The following C14orf180 variants were observed in gnomAD, a reference collection of about 807,000 sequenced individuals.
The protein encoded by C14orf180 is chromosome 14 open reading frame 180.
A neutral mutation model predicts 13.9 loss-of-function variants in C14orf180; 13 were observed. That is an observed-to-expected ratio of 0.94 (90% CI 0.61 to 1.49). The LOEUF is 1.49. Ranked by LOEUF, C14orf180 falls within the 40% of genes most tolerant of loss-of-function variation. C14orf180 has a pLI of 0.00. For synonymous variants in C14orf180, 113 were observed against 106.3 expected (o/e 1.06, Z -0.39); for missense variants, 238 against 232.0 (o/e 1.03, Z -0.17).
chr14:104,587,603 C>A (rs532779990), intron 2 of C14orf180, 146 bp from the exon 3 acceptor site: 1 of 813,086 alleles, frequency 1.2e-6, no homozygotes, highest in Non-Finnish European at 1.9e-6. Flanking sequence ...CCTCACCCTA[C>A]AGGAAGTGAC....
rs777081129 is a variant in C14orf180, at chr14:104,586,480, G to A, written c.50G>A (p.Arg17Gln). The change falls in exon 2 of 5, where the codon CGA (arginine) becomes CAA (glutamine). Residue 17 changes from arginine (R) to glutamine (Q), a missense_variant. By Grantham distance (43) the Arg-to-Gln change is conservative. Coordinates refer to ENST00000557649, the MANE Select transcript of C14orf180 (RefSeq NM_001008404.3). ...AGCCCTGACTCCCGGCCAGAGACAC[G>A]ACGTCAGACCAGAAAGAATGAGGAG... is the stretch of plus-strand genomic sequence containing the variant. ...AVSPDSRPET[R>Q]RQTRKNEEAA... 2.3e-5 allele frequency: 36 copies of A among 1,550,782 alleles called. No individual in the cohort carries two copies. The highest frequency in any genetic ancestry group is 2.2e-4 in the East Asian group (9 of 41,318).
rs1460021323 is a variant in C14orf180, at chr14:104,589,550, G to C, written c.*767G>C. ...CCAGCTGGGGCCTGTGGGTCCCGGA[G>C]ACCGTCTGTGGTTGTGGCTTTGTCG... On this transcript the variant is annotated 3_prime_UTR_variant, in exon 5 of 5. Coordinates refer to ENST00000557649, the MANE Select transcript of C14orf180 (RefSeq NM_001008404.3). The surrounding 1 kb of genome is among the most constrained non-coding windows in gnomAD (Gnocchi z 4.9). The C allele has an allele frequency of 6.5e-6, 1 of 152,760 alleles. No homozygotes were observed. The highest frequency in any genetic ancestry group is 6.5e-5 in the Admixed American group (1 of 15,290). 9.5% of individuals were successfully genotyped at this position (152,760 alleles called of 1,614,324 possible).
rs562143106 is a variant in C14orf180, at chr14:104,588,583, G to A, written c.283G>A (p.Gly95Ser). Reference protein sequence around the residue: ...KNATATVRVPGRPRPHGGSLL... With the variant: ...KNATATVRVPSRPRPHGGSLL... Reference sequence around the variant, plus strand: ...TGCCTGCCCTCTGGCCGCAGTGCCCGGCCGGCCCAGGCCACACGGCGGCTC... The same window carrying A: ...TGCCTGCCCTCTGGCCGCAGTGCCCAGCCGGCCCAGGCCACACGGCGGCTC... The change falls in exon 5 of 5, where the codon GGC (glycine) becomes AGC (serine). Residue 95 changes from glycine (G) to serine (S), a missense_variant. Physicochemically the swap from Gly to Ser is moderately conservative, Grantham distance 56. Coordinates refer to ENST00000557649, the MANE Select transcript of C14orf180 (RefSeq NM_001008404.3). 7.2e-5 allele frequency: 104 copies of A among 1,446,992 alleles called. No homozygotes were observed. The highest frequency in any genetic ancestry group is 3.7e-4 in the Admixed American group (14 of 37,356). The allele number at this position is 1,446,992 out of a possible 1,614,324, so 89.6% of individuals were successfully genotyped here.
At chr14:104,585,138 T>C (rs927001089) in intron 1 of C14orf180, among the ~76,000 whole-genome samples, 2 of 152,150 alleles carry the variant, frequency 1.3e-5, no homozygotes, top group Non-Finnish European at 2.9e-5. Context: ...TCTCAGGAAA[T>C]GCAAACACCT....
chr14:104,587,670 G>A, intron 2 of C14orf180, 79 bp from the exon 3 acceptor site: 1 of 1,466,852 alleles, frequency 6.8e-7, no homozygotes, highest in Non-Finnish European at 9.4e-7. Context: ...CGGTGCTGCT[G>A]GGCCCCACAT....
Position 104,587,867 on chromosome 14 carries a change from T to C in C14orf180, c.230T>C (p.Val77Ala), listed in dbSNP as rs1596290668. 6.2e-7 allele frequency: 1 copy of C among 1,607,306 alleles called. No individual in the cohort carries two copies. Among genetic ancestry groups the C allele is most frequent in the South Asian group, 1.1e-5 (1 of 89,874 alleles). The change falls in exon 3 of 5, where the codon GTG becomes GCG. Residue 77 changes from valine to alanine, a missense_variant. Coordinates refer to ENST00000557649, the MANE Select transcript of C14orf180 (RefSeq NM_001008404.3). ...GTGTGGTTCCGAGAACCCCCAGCGG[T>C]GACCGTCCACTGTAAGAGGGCACCC... ...RRVWFREPPA[V>A]TVHYIADKNA...
rs7159145 is a variant in C14orf180, at chr14:104,587,628, G to A, written c.112-121G>A. On this transcript the variant is annotated intron_variant, in intron 2 of 4. Coordinates refer to ENST00000557649, the MANE Select transcript of C14orf180 (RefSeq NM_001008404.3). The stretch of plus-strand genomic sequence containing the variant: ...CAGGAAGTGACAGGCCCAGCATAGC[G>A]CACCAGCCAGGACAGGGTACAGGTT... 1.5e-3 allele frequency: 1,497 copies of A among 1,018,602 alleles called. 19 individuals carry two copies. The African/African-American group carries it at 0.023, about 15-fold the overall frequency. 63.1% of individuals were successfully genotyped at this position (1,018,602 alleles called of 1,614,324 possible).
intron 1 of C14orf180, chr14:104,581,541 C>A (rs553857763): frequency 1.3e-5 from 2 of 152,170 alleles, no homozygotes; most frequent in Admixed American, 6.5e-5. Flanking sequence ...TCACACCCTG[C>A]GACAGCGAGG....
intron 2 of C14orf180, among the ~76,000 whole-genome samples, chr14:104,586,839 G>A (rs1416886269): frequency 6.6e-6 from 1 of 152,186 alleles, no homozygotes; most frequent in Non-Finnish European, 1.5e-5. Context: ...TGTTGGAGGA[G>A]GGAAGAGGGT....
Position 104,579,827 on chromosome 14 carries a change from C to A in C14orf180, c.-193C>A, listed in dbSNP as rs950959467. The A allele has an allele frequency of 1.3e-5, 2 of 152,306 alleles. No homozygotes were observed. The highest frequency in any genetic ancestry group is 2.9e-5 in the Non-Finnish European group (2 of 68,120). The allele number at this position is 152,306 out of a possible 1,614,324, so 9.4% of individuals were successfully genotyped here. A position where few individuals can be genotyped will look rare whatever the true frequency, so the allele number is the denominator to read the frequency against. On this transcript the variant is annotated 5_prime_UTR_variant, in exon 1 of 5. Transcript: ENST00000557649. ...CAGATCAGAGCCCTCGGGAAGGAGG[C>A]CTGGGCGGGCCTGGCCCGTTCACCT... is the stretch of plus-strand genomic sequence containing the variant.
At position 104,579,840 on chromosome 14, in the gene C14orf180, G is replaced by A. The variant is rs1232564354; in HGVS notation, c.-180G>A. On this transcript the variant is annotated 5_prime_UTR_variant, in exon 1 of 5. Transcript: ENST00000557649. ...TCGGGAAGGAGGCCTGGGCGGGCCT[G>A]GCCCGTTCACCTGTGTGCCCTGCAG... 1.3e-5 allele frequency: 2 copies of A among 152,356 alleles called. No homozygotes were observed. Among genetic ancestry groups the A allele is most frequent in the African/African-American group, 2.4e-5 (1 of 41,450 alleles). 9.4% of individuals were successfully genotyped at this position (152,356 alleles called of 1,614,324 possible).
chr14:104,587,735 CGCCCCCACACCAGGAGGACAACAGGAAGT>C lies in C14orf180; in HGVS notation c.112-7_133del. ...GCCGGGGACTCACCAGTCTGCTTCC[CGCCCCCACACCAGGAGGACAACAGGAAGT>C]GCCCCCCCTCCATCCTGAAACGGAG... On this transcript the variant is annotated splice_acceptor_variant and splice_polypyrimidine_tract_variant and coding_sequence_variant and intron_variant, in exon 3 of 5. Transcript: ENST00000557649. LOFTEE classifies it high-confidence loss of function. The C allele has an allele frequency of 6.2e-7, 1 of 1,610,844 alleles. No individual in the cohort carries two copies. The highest frequency in any genetic ancestry group is 8.5e-7 in the Non-Finnish European group (1 of 1,178,800).
Position 104,587,795 on chromosome 14 carries a change from C to T in C14orf180, c.158C>T (p.Pro53Leu), listed in dbSNP as rs755277534. 1.4e-5 allele frequency: 22 copies of T among 1,612,480 alleles called. No homozygotes were observed. Among genetic ancestry groups the T allele is most frequent in the Middle Eastern group, 1.6e-4 (1 of 6,076 alleles). ...CPPSILKRSR[P>L]EHHRPEAKPQ... ...CCCTCCATCCTGAAACGGAGCCGGC[C>T]GGAGCACCACCGCCCAGAGGCCAAG... Residue 53 changes from proline (P) to leucine (L), a missense_variant, in exon 3 of 5, where the codon CCG (proline) becomes CTG (leucine). Coordinates refer to ENST00000557649, the MANE Select transcript of C14orf180 (RefSeq NM_001008404.3).
chr14:104,587,393 C>A (rs943903568), intron 2 of C14orf180, among the ~76,000 whole-genome samples: 1 of 152,154 alleles, frequency 6.6e-6, no homozygotes, highest in Non-Finnish European at 1.5e-5. Context: ...TTAGCCAGAG[C>A]CCCTCTGCCA....
At chr14:104,587,100 G>T (rs1453997772) in intron 2 of C14orf180, among the ~76,000 whole-genome samples, 1 of 152,176 alleles carries the variant, frequency 6.6e-6, no homozygotes, top group Admixed American at 6.5e-5. Flanking sequence ...GAGCTGGCCC[G>T]GCTCCCAGGG....
In C14orf180 at chr14:104,588,634, G is replaced by C; in HGVS notation, c.334G>C (p.Val112Leu). The C allele has an allele frequency of 2.6e-6, 4 of 1,516,398 alleles. No homozygotes were observed. The highest frequency in any genetic ancestry group is 3.5e-6 in the Non-Finnish European group (4 of 1,134,628). 93.9% of individuals were successfully genotyped at this position (1,516,398 alleles called of 1,614,324 possible). Residue 112 changes from valine (V) to leucine (L), a missense_variant, in exon 5 of 5, where the codon GTC (valine) becomes CTC (leucine). By Grantham distance (32) the Val-to-Leu change is conservative (BLOSUM62 1). Transcript: ENST00000557649. ...CCTGCTCCTGCAGCTGTGTGTGTGC[G>C]TCCTGCTCGTGCTGGCCCTGGGCCT... ...GSLLLQLCVC[V>L]LLVLALGLYC...
intron 1 of C14orf180, among the ~76,000 whole-genome samples, chr14:104,586,091 A>G (rs1417201765): frequency 2.6e-5 from 4 of 152,210 alleles, no homozygotes; most frequent in Admixed American, 1.3e-4. Flanking sequence ...TGCAACCCTC[A>G]TGAATACCCA....
chr14:104,580,308 C>T (rs1273417541), intron 1 of C14orf180, among the ~76,000 whole-genome samples: 5 of 152,188 alleles, frequency 3.3e-5, no homozygotes, highest in African/African-American at 4.8e-5. Flanking sequence ...TTCCCTAAAA[C>T]GGAGACAGTC....
Position 104,588,881 on chromosome 14 carries a change from C to A in C14orf180, c.*98C>A. On this transcript the variant is annotated 3_prime_UTR_variant, in exon 5 of 5. Coordinates refer to ENST00000557649, the MANE Select transcript of C14orf180 (RefSeq NM_001008404.3). ...GCCCTGGCCCTGCTGCTTGGTGAAT[C>A]ATGGGGGCCAAAAGGGGCTGCTGCC... 6.7e-7 allele frequency: 1 copy of A among 1,484,302 alleles called. No individual in the cohort carries two copies. Among genetic ancestry groups the A allele is most frequent in the Non-Finnish European group, 8.9e-7 (1 of 1,117,774 alleles). The allele number at this position is 1,484,302 out of a possible 1,614,324, so 91.9% of individuals were successfully genotyped here.
Sources: gnomAD v4.1 joint callset for allele counts (sites outside exome capture counted in the v4.1 genomes callset) on GRCh38, gnomAD v4.1.1 for gene constraint, Gnocchi (gnomAD v3.1) non-coding constraint, MANE v1.5 for transcripts, NCBI Gene and HGNC (gene_info 2026-07-23, HGNC 2026-07-21) for gene names.